The following ZNF454 variants were observed in gnomAD, a reference collection of about 807,000 sequenced individuals.
The protein encoded by ZNF454 is zinc finger protein 454.
ZNF454 carries 30 observed loss-of-function variants against 48.2 expected under a neutral mutation model. That is an observed-to-expected ratio of 0.62 (90% CI 0.47 to 0.84). The LOEUF (loss-of-function observed/expected upper bound fraction) is 0.84. Ranked by LOEUF, ZNF454 falls within the 40% of genes least tolerant of loss-of-function variation. ZNF454 has a pLI of 0.00. For synonymous variants in ZNF454, 204 were observed against 211.4 expected (o/e 0.97, Z 0.30); for missense variants, 510 against 623.1 (o/e 0.82, Z 1.93).
chr5:178,956,674 A>ATTT lies in ZNF454; in HGVS notation c.251-7981_251-7980insTTT, dbSNP rs1561702161. ...AACCAGTCTTTATTTTATTTTATTT[A>ATTT]ATTTATTTATTTATTTATTTATTTA... On this transcript the variant is annotated intron_variant, in intron 4 of 4. Transcript: ENST00000519564. Among the ~76,000 whole-genome samples, 175 of 33,880 alleles carry ATTT rather than the reference A, an allele frequency of 5.2e-3. 4 individuals are homozygous for ATTT. The highest frequency in any genetic ancestry group is 0.022 in the Middle Eastern group (1 of 46). The allele number at this position is 33,880 out of a possible 152,430, so 22.2% of individuals were successfully genotyped here.
intron 4 of ZNF454, among the ~76,000 whole-genome samples, chr5:178,954,777 C>G (rs1318908263): frequency 6.6e-6 from 1 of 151,880 alleles, no homozygotes; most frequent in African/African-American, 2.4e-5. Flanking sequence ...CTGCGAGTAC[C>G]CCTCTCCAGG....
chr5:178,953,323 A>C (rs1375988350), intron 4 of ZNF454, among the ~76,000 whole-genome samples: 1 of 152,092 alleles, frequency 6.6e-6, no homozygotes, highest in South Asian at 2.1e-4. Flanking sequence ...AATTATGACC[A>C]CTTTTGCTTT....
At chr5:178,967,855 T>C (rs1760188603), downstream of ZNF454, among the ~76,000 whole-genome samples, 1 of 151,046 alleles carries the variant, frequency 6.6e-6, no homozygotes. Flanking sequence ...TTCTCCTGCC[T>C]CAGCCTCCCG....
chr5:178,989,772 T>G, the ZNF454 span: 42 of 361,410 alleles, frequency 1.2e-4, 1 homozygote, highest in African/African-American at 7.8e-4. Context: ...ATGTAATGGG[T>G]GGAGCCTCAG....
the ZNF454 span, chr5:178,985,717 A>AAAAAC: frequency 4.7e-4 from 199 of 419,088 alleles, no homozygotes; most frequent in South Asian, 2.0e-3. Flanking sequence ...AAAAAAAACA[A>AAAAAC]AACAACACAG....
intron 4 of ZNF454, among the ~76,000 whole-genome samples, chr5:178,956,519 G>C (rs201711816): frequency 8.9e-6 from 1 of 112,378 alleles, no homozygotes; most frequent in East Asian, 2.8e-4. Context: ...CTCCTGAAAA[G>C]AAAAAAAAAA....
At chr5:178,945,434 TTGTG>T (rs1357729030) in intron 2 of ZNF454, among the ~76,000 whole-genome samples, 1 of 147,802 alleles carries the variant, frequency 6.8e-6, no homozygotes, top group Non-Finnish European at 1.5e-5. Context: ...GTGTGTATGC[TTGTG>T]TGTGTATGTG....
At chr5:178,956,680 TTTATTTATTTATTTA>T (rs1561702229) in intron 4 of ZNF454, among the ~76,000 whole-genome samples, 7 of 71,634 alleles carry the variant, frequency 9.8e-5, no homozygotes, top group African/African-American at 3.5e-4. Flanking sequence ...ATTTAATTTA[TTTATTTATTTATTTA>T]TTTATTTATT....
chr5:178,966,129 T>A lies in ZNF454; in HGVS notation c.*156T>A. 1.5e-6 allele frequency: 1 copy of A among 687,156 alleles called. No homozygotes were observed. Among genetic ancestry groups the A allele is most frequent in the South Asian group, 2.7e-5 (1 of 37,630 alleles). 42.6% of individuals were successfully genotyped at this position (687,156 alleles called of 1,614,324 possible). On this transcript the variant is annotated 3_prime_UTR_variant, in exon 5 of 5. Transcript: ENST00000519564. ...TTCACAGTGTCATGGGGTTTGGGCA[T>A]TTAAGAATGGCAAACACTCGGCTGG...
At chr5:178,989,433 G>A in the ZNF454 span, 3 of 1,613,592 alleles carry the variant, frequency 1.9e-6, no homozygotes, top group Non-Finnish European at 2.5e-6. Flanking sequence ...GGGGGAGGGT[G>A]GCGCTGACCT....
the ZNF454 span, chr5:178,987,430 T>G: frequency 6.5e-6 from 3 of 458,016 alleles, no homozygotes; most frequent in Non-Finnish European, 1.3e-5. Context: ...GACAGAAGAA[T>G]GGACGAACAC....
downstream of ZNF454, chr5:178,968,836 C>G (rs1760201449): frequency 2.2e-6 from 1 of 456,600 alleles, no homozygotes; most frequent in African/African-American, 2.0e-5. Context: ...TACCGTTGAG[C>G]CAGGACCAAG....
the ZNF454 span, chr5:178,986,147 T>G: frequency 6.2e-7 from 1 of 1,613,506 alleles, no homozygotes; most frequent in Non-Finnish European, 8.5e-7. Flanking sequence ...GAGGTGAGGC[T>G]GAAGGTGATG....
chr5:178,986,664 C>T, the ZNF454 span: 1 of 1,602,902 alleles, frequency 6.2e-7, no homozygotes, highest in Non-Finnish European at 8.5e-7. Flanking sequence ...CGCCCTTCAC[C>T]ATCTTCTTCC....
chr5:178,973,915 TTATA>T, the ZNF454 span, among the ~76,000 whole-genome samples: 5 of 152,130 alleles, frequency 3.3e-5, no homozygotes, highest in African/African-American at 1.2e-4. Flanking sequence ...CTGCCATTCT[TTATA>T]TATCAGTGTG....
chr5:178,983,074 T>C, the ZNF454 span: 4 of 1,614,142 alleles, frequency 2.5e-6, no homozygotes, highest in South Asian at 1.1e-5. Context: ...AGCAGGAGGC[T>C]GTAGCCCAGG....
chr5:178,968,739 T>C (rs1349306649), downstream of ZNF454: 1 of 456,704 alleles, frequency 2.2e-6, no homozygotes, highest in Non-Finnish European at 4.4e-6. Flanking sequence ...CTTGAATCCC[T>C]GAGAAGCACG....
At chr5:178,950,598 T>C (rs575123276) in intron 4 of ZNF454, among the ~76,000 whole-genome samples, 3 of 152,352 alleles carry the variant, frequency 2.0e-5, no homozygotes, top group East Asian at 3.9e-4. Flanking sequence ...TCACCAATGC[T>C]CGGTGATTCC....
the ZNF454 span, chr5:178,981,422 C>A: frequency 2.0e-6 from 1 of 506,288 alleles, no homozygotes; most frequent in Non-Finnish European, 3.6e-6. This position sits in a 1 kb window ranked among gnomAD's most constrained non-coding sequence, Gnocchi z 5.1. Flanking sequence ...TGGCTGTTTC[C>A]CACCATGGGA....
Sources: gnomAD v4.1 joint callset for allele counts (sites outside exome capture counted in the v4.1 genomes callset) on GRCh38, gnomAD v4.1.1 for gene constraint, Gnocchi (gnomAD v3.1) non-coding constraint, MANE v1.5 for transcripts, NCBI Gene and HGNC (gene_info 2026-07-23, HGNC 2026-07-21) for gene names.